CHAF1A: variants seen among roughly 807,000 people sequenced by gnomAD.
CHAF1A encodes the protein chromatin assembly factor 1 subunit A.
CHAF1A carries 5 observed loss-of-function variants against 93.2 expected under a neutral mutation model. That is an observed-to-expected ratio of 0.05 (90% confidence interval 0.03 to 0.11). CHAF1A has a LOEUF of 0.11. Ranked by LOEUF, CHAF1A falls within the 10% of genes least tolerant of loss-of-function variation. The probability of loss-of-function intolerance (pLI) is 1.00; values close to 1 mark genes in which losing one functional copy is unlikely to be tolerated. For synonymous variants in CHAF1A, 504 were observed against 510.3 expected (o/e 0.99, Z 0.17); for missense variants, 1,102 against 1,259.9 (o/e 0.87, Z 1.90).
chr19:4,429,270 C>G (rs1974138279), intron 8 of CHAF1A, 168 bp from the exon 9 acceptor site: 1 of 749,920 alleles, frequency 1.3e-6, no homozygotes, highest in Admixed American at 2.9e-5. Flanking sequence ...CTCCATCTGT[C>G]CCTTCAGTCC....
intron 3 of CHAF1A, among the ~76,000 whole-genome samples, chr19:4,417,785 C>T (rs962999486): frequency 6.6e-6 from 1 of 152,016 alleles, no homozygotes; most frequent in African/African-American, 2.4e-5. Flanking sequence ...TATTTCTGAG[C>T]TTGCCTTGTT....
intron 3 of CHAF1A, 150 bp from the exon 4 acceptor site, chr19:4,417,870 C>T (rs1309830219): frequency 2.6e-5 from 13 of 503,276 alleles, no homozygotes; most frequent in Non-Finnish European, 4.7e-5. Context: ...ATCCCAGATA[C>T]ACACATGTAT....
rs548140208 is a variant in CHAF1A, at chr19:4,436,408, C to T, written c.2673+2869C>T. ...CATAGTTCCCCTGGCTCTGTGGAGG[C>T]GGCTTGGCGCCGTGGGAAGCTCAGT... is the stretch of plus-strand genomic sequence containing the variant. On this transcript the variant is annotated intron_variant, in intron 13 of 14. Coordinates refer to ENST00000301280, the MANE Select transcript of CHAF1A (RefSeq NM_005483.3). Among the ~76,000 whole-genome samples the T allele has an allele frequency of 2.6e-5, 4 of 152,282 alleles. No individual in the cohort carries two copies. In the South Asian group the frequency reaches 8.3e-4, roughly 32 times the overall value.
intron 3 of CHAF1A, among the ~76,000 whole-genome samples, chr19:4,412,797 CTTT>C (rs764034960): frequency 2.6e-5 from 4 of 152,218 alleles, no homozygotes; most frequent in Non-Finnish European, 4.4e-5. Context: ...ATTATCCCAA[CTTT>C]TCAGATAATT....
At position 4,409,051 on chromosome 19, in the gene CHAF1A, C is replaced by G; in HGVS notation, c.252C>G (p.Asp84Glu). 2 of 1,614,182 alleles carry G rather than the reference C, an allele frequency of 1.2e-6. No individual in the cohort carries two copies. The highest frequency in any genetic ancestry group is 1.1e-5 in the South Asian group (1 of 91,080). The change falls in exon 3 of 15, where the codon GAC (aspartate) becomes GAG (glutamate). Residue 84 changes from aspartate (D) to glutamate (E), a missense_variant. This residue lies in a region of CHAF1A where 379 missense variants were observed against 365.7 expected (regional missense o/e 1.04). Transcript: ENST00000301280. Reference sequence around the variant, plus strand: ...AAAACAACTGTCATGTGGGTTCTGACATAGACTTTAGACCGAAACTTGTCA... The same window carrying G: ...AAAACAACTGTCATGTGGGTTCTGAGATAGACTTTAGACCGAAACTTGTCA... ...TLENNCHVGSDIDFRPKLVNG... is the reference protein window; with the variant it reads ...TLENNCHVGSEIDFRPKLVNG...
At chr19:4,423,689 A>G in intron 6 of CHAF1A, 117 bp from the exon 7 acceptor site, 1 of 1,074,750 alleles carries the variant, frequency 9.3e-7, no homozygotes, top group Non-Finnish European at 1.4e-6. Flanking sequence ...TGAAAATCAC[A>G]GTAGTGCCTT....
chr19:4,449,695 G>A (rs1217604980), downstream of CHAF1A: 1 of 152,262 alleles, frequency 6.6e-6, no homozygotes. Context: ...AGGGACGAAG[G>A]AACAGCAGCC....
chr19:4,440,249 G>T lies in CHAF1A; in HGVS notation c.2674-1996G>T, dbSNP rs188224795. ...AGAGAGGGTAAGCACTGACGTGGAG[G>T]CTCATGGTGGCCTCTACGCATCCTG... On this transcript the variant is annotated intron_variant, in intron 13 of 14. Coordinates refer to ENST00000301280, the MANE Select transcript of CHAF1A (RefSeq NM_005483.3). 1.5e-3 allele frequency among the ~76,000 whole-genome samples: 222 copies of T among 152,252 alleles called. 2 individuals carry two copies. Among genetic ancestry groups the T allele is most frequent in the African/African-American group, 5.0e-3 (206 of 41,540 alleles).
chr19:4,409,379 G>A lies in CHAF1A; in HGVS notation c.580G>A (p.Gly194Arg). 6.2e-7 allele frequency: 1 copy of A among 1,614,180 alleles called. No individual in the cohort carries two copies. The highest frequency in any genetic ancestry group is 1.3e-5 in the African/African-American group (1 of 75,038). ...GGAGGGTGTTGGCTGTGGAGGTGCA[G>A]GGAGGAGAGGCGACTCCCAGGAATG... ...EEEGVGCGGA[G>R]RRGDSQECSP... Residue 194 changes from glycine (G) to arginine (R), a missense_variant, in exon 3 of 15, where the codon GGG becomes AGG. Gly to Arg is a moderately radical substitution (Grantham distance 125, BLOSUM62 -2). Transcript: ENST00000301280.
At chr19:4,418,578 G>C (rs1416170437) in intron 4 of CHAF1A, among the ~76,000 whole-genome samples, 1 of 151,858 alleles carries the variant, frequency 6.6e-6, no homozygotes, top group Non-Finnish European at 1.5e-5. Context: ...ACCACGCCTG[G>C]CTAATTTTTT....
At chr19:4,429,401 G>A (rs2145123919) in intron 8 of CHAF1A, 37 bp from the exon 9 acceptor site, 1 of 1,607,262 alleles carries the variant, frequency 6.2e-7, no homozygotes. Context: ...AGGTCTGTAA[G>A]GCAGCGTGAT....
At chr19:4,411,436 G>A (rs1188593824) in intron 3 of CHAF1A, among the ~76,000 whole-genome samples, 1 of 151,938 alleles carries the variant, frequency 6.6e-6, no homozygotes, top group Non-Finnish European at 1.5e-5. Flanking sequence ...TGCCATGATG[G>A]CCAGACTGAT....
chr19:4,419,029 A>ATTTTTTTTTTTTTTTTTTTTTTTTT (rs11406470), intron 4 of CHAF1A, among the ~76,000 whole-genome samples: 2 of 96,472 alleles, frequency 2.1e-5, no homozygotes, highest in Non-Finnish European at 3.8e-5. Flanking sequence ...TAGCCAGCTA[A>ATTTTTTTTTTTTTTTTTTTTTTTTT]TTTTTTTTTT....
At chr19:4,429,331 C>A in intron 8 of CHAF1A, 107 bp from the exon 9 acceptor site, 1 of 1,280,750 alleles carries the variant, frequency 7.8e-7, no homozygotes, top group Non-Finnish European at 1.1e-6. Flanking sequence ...TTAACAAATG[C>A]CCATCTTTCT....
Position 4,443,116 on chromosome 19 carries a change from G to A in CHAF1A, c.*91G>A. On this transcript the variant is annotated 3_prime_UTR_variant, in exon 15 of 15. Coordinates refer to ENST00000301280, the MANE Select transcript of CHAF1A (RefSeq NM_005483.3). ...TCAATTCCTGTGTAAAGAGCACTTT[G>A]TCCTGCTTCACGGACCTCCCCAAAG... The A allele has an allele frequency of 1.2e-6, 1 of 865,068 alleles. No individual in the cohort carries two copies. Among genetic ancestry groups the A allele is most frequent in the Non-Finnish European group, 1.9e-6 (1 of 520,498 alleles). The allele number at this position is 865,068 out of a possible 1,614,324, so 53.6% of individuals were successfully genotyped here. A position where few individuals can be genotyped will look rare whatever the true frequency, so the allele number is the denominator to read the frequency against.
At chr19:4,430,727 G>A (rs375828245) in intron 11 of CHAF1A, 86 bp downstream of exon 11, 15 of 1,419,144 alleles carry the variant, frequency 1.1e-5, no homozygotes, top group South Asian at 4.7e-5. Flanking sequence ...GAGGGTGACG[G>A]GGGTCCCAGC....
At chr19:4,445,971 C>T (rs755908283), downstream of CHAF1A, 1 of 1,524,340 alleles carries the variant, frequency 6.6e-7, no homozygotes, top group Admixed American at 2.1e-5. Flanking sequence ...GAGGCTCCCT[C>T]CTGGGGGTGT....
chr19:4,424,159 C>T (rs1401816134), intron 7 of CHAF1A, among the ~76,000 whole-genome samples: 1 of 152,206 alleles, frequency 6.6e-6, no homozygotes, highest in Non-Finnish European at 1.5e-5. Flanking sequence ...CATGTTTTTA[C>T]CCTTGGGAAA....
Position 4,422,891 on chromosome 19 carries a change from G to A in CHAF1A, c.1247+96G>A, listed in dbSNP as rs1974015790. ...GGGCCTTTCCACTTCACAGGCAGATGGCGGCTCCCTTCAGTTCCTTCCCAT... is the reference window on the plus strand; with the variant it reads ...GGGCCTTTCCACTTCACAGGCAGATAGCGGCTCCCTTCAGTTCCTTCCCAT... On this transcript the variant is annotated intron_variant, in intron 5 of 14. Coordinates refer to ENST00000301280, the MANE Select transcript of CHAF1A (RefSeq NM_005483.3). This position sits in a 1 kb window ranked among gnomAD's most constrained non-coding sequence, Gnocchi z 4.6. 8.5e-7 allele frequency: 1 copy of A among 1,171,236 alleles called. No individual in the cohort carries two copies. The highest frequency in any genetic ancestry group is 1.2e-6 in the Non-Finnish European group (1 of 816,088). The allele number at this position is 1,171,236 out of a possible 1,614,324, so 72.6% of individuals were successfully genotyped here.
Sources: allele counts gnomAD v4.1 joint callset (sites outside exome capture counted in the v4.1 genomes callset), GRCh38; gene constraint gnomAD v4.1.1; regional missense constraint gnomAD v4.1.1; non-coding constraint Gnocchi (gnomAD v3.1); transcripts MANE v1.5; gene names NCBI Gene and HGNC (gene_info 2026-07-23, HGNC 2026-07-21).